MYOM3: variants seen among roughly 807,000 people sequenced by gnomAD.
The protein encoded by MYOM3 is myomesin 3, also known as myomesin-3.
In MYOM3, 155 loss-of-function variants were observed where a neutral mutation model predicts 191.7. The ratio of observed to expected loss-of-function variants is 0.81; its 90% confidence interval spans 0.71 to 0.92. The LOEUF (loss-of-function observed/expected upper bound fraction) is 0.92, where lower values mean the gene tolerates loss of function less well. Ranked by LOEUF, MYOM3 falls within the 40% of genes least tolerant of loss-of-function variation. The pLI, the probability that MYOM3 is intolerant of heterozygous loss-of-function variation, is 0.00. For missense variants in MYOM3, 1,889 were observed against 1,890.6 expected (o/e 1.00, Z 0.02); for synonymous variants, 757 against 762.9 (o/e 0.99, Z 0.13).
chr1:24,089,985 C>T (rs1643796057), intron 13 of MYOM3, 80 bp downstream of exon 13: 1 of 1,430,404 alleles, frequency 7.0e-7, no homozygotes, highest in Middle Eastern at 1.8e-4. Flanking sequence ...ACTGGGACAG[C>T]TTCTGCCTCT....
intron 18 of MYOM3, 137 bp from the exon 19 acceptor site, chr1:24,081,593 C>T (rs1643669510): frequency 1.9e-6 from 2 of 1,041,018 alleles, no homozygotes; most frequent in Non-Finnish European, 2.8e-6. Context: ...GACATGGTCT[C>T]ACTTTGTCAC....
intron 25 of MYOM3, among the ~76,000 whole-genome samples, chr1:24,068,688 C>CT (rs765052410): frequency 4.6e-5 from 7 of 151,950 alleles, no homozygotes; most frequent in Non-Finnish European, 1.0e-4. Context: ...ATTTTCTTTT[C>CT]TTTTTCTTTC....
chr1:24,078,372 C>G (rs1178236177), intron 20 of MYOM3, among the ~76,000 whole-genome samples: 1 of 152,170 alleles, frequency 6.6e-6, no homozygotes, highest in Non-Finnish European at 1.5e-5. Flanking sequence ...CTGCCTCGGC[C>G]TCCTAGAGTG....
intron 28 of MYOM3, chr1:24,066,353 A>C (rs1274493373): frequency 1.6e-6 from 1 of 644,308 alleles, no homozygotes; most frequent in Non-Finnish European, 2.8e-6. Context: ...TGCCTTGAAC[A>C]TGGGCTCCCA....
intron 35 of MYOM3, among the ~76,000 whole-genome samples, chr1:24,059,494 T>A (rs1643342595): frequency 6.6e-6 from 1 of 152,226 alleles, no homozygotes; most frequent in South Asian, 2.1e-4. Context: ...GTAGAAGATA[T>A]GGGACATAGT....
At position 24,097,943 on chromosome 1, in the gene MYOM3, AAGG is replaced by A. The variant is rs1557615377; in HGVS notation, c.722_724del (p.Ser241del). 6.2e-7 allele frequency: 1 copy of A among 1,613,554 alleles called. No individual in the cohort carries two copies. Among genetic ancestry groups the A allele is most frequent in the Admixed American group, 1.7e-5 (1 of 60,004 alleles). ...CTTACTGCGGACGAGGACTTTGGCG[AAGG>A]AGGAGGCCTGGCCGTGGGCGTTCTT... On this transcript the variant is annotated inframe_deletion, in exon 7 of 37. Transcript: ENST00000374434.
rs369958383 is a variant in MYOM3, at chr1:24,107,215, C to A, written c.260G>T (p.Arg87Leu). 3 of 1,600,472 alleles carry A rather than the reference C, an allele frequency of 1.9e-6. No homozygotes were observed. The highest frequency in any genetic ancestry group is 2.6e-6 in the Non-Finnish European group (3 of 1,173,678). ...SELSWEAQLR[R>L]QTSAVELEER... ...CTCCAGCTCCACGGCAGAGGTCTGGCGTCTCAGCTGGGCTTCCCTGCCGTG... is the reference window on the plus strand; with the variant it reads ...CTCCAGCTCCACGGCAGAGGTCTGGAGTCTCAGCTGGGCTTCCCTGCCGTG... Residue 87 changes from arginine (R) to leucine (L), a missense_variant, in exon 4 of 37, where the codon CGC (arginine) becomes CTC (leucine). Coordinates refer to ENST00000374434, the MANE Select transcript of MYOM3 (RefSeq NM_152372.4).
Position 24,102,465 on chromosome 1 carries a change from C to G in MYOM3, c.561-2690G>C, listed in dbSNP as rs570811431. ...TGGAGACCTCAACGCTCACCCCTCC[C>G]TCTCTCTGGGCCTTAGTGTCCGCCT... is the stretch of plus-strand genomic sequence containing the variant. On this transcript the variant is annotated intron_variant, in intron 5 of 36. Coordinates refer to ENST00000374434, the MANE Select transcript of MYOM3 (RefSeq NM_152372.4). 9.2e-5 allele frequency among the ~76,000 whole-genome samples: 14 copies of G among 152,314 alleles called. No individual in the cohort carries two copies. In the South Asian group the frequency reaches 2.9e-3, roughly 32 times the overall value.
intron 3 of MYOM3, among the ~76,000 whole-genome samples, chr1:24,107,598 C>T (rs923994424): frequency 5.9e-5 from 9 of 152,308 alleles, no homozygotes; most frequent in Non-Finnish European, 1.3e-4. Flanking sequence ...GGCCCTGCCC[C>T]AAGCCGAACG....
intron 18 of MYOM3, 27 bp from the exon 19 acceptor site, chr1:24,081,483 A>G (rs1336259751): frequency 1.2e-6 from 2 of 1,608,174 alleles, no homozygotes; most frequent in East Asian, 4.5e-5. Context: ...ACAAACTATG[A>G]GGCTGAGGCT....
intron 20 of MYOM3, 97 bp from the exon 21 acceptor site, chr1:24,076,370 C>T (rs1259296310): frequency 1.2e-6 from 1 of 810,624 alleles, no homozygotes; most frequent in Admixed American, 1.9e-5. Context: ...ATAAGAAAAC[C>T]CTCTCCCTTC....
intron 5 of MYOM3, 146 bp from the exon 6 acceptor site, chr1:24,099,921 G>A: frequency 7.9e-6 from 5 of 632,404 alleles, no homozygotes; most frequent in South Asian, 5.7e-5. Context: ...AGGCTGGAGC[G>A]CAGTAGTACA....
chr1:24,090,026 C>A, intron 13 of MYOM3, 39 bp downstream of exon 13: 1 of 1,599,770 alleles, frequency 6.3e-7, no homozygotes. Context: ...GTTTTGAGAA[C>A]TATACAGGAG....
chr1:24,072,735 A>G (rs1183960636), intron 23 of MYOM3, among the ~76,000 whole-genome samples: 2 of 152,168 alleles, frequency 1.3e-5, no homozygotes, highest in East Asian at 1.9e-4. Flanking sequence ...GGGTTTCACC[A>G]TGTTGGCCAG....
At chr1:24,095,083 T>C (rs572135176) in intron 8 of MYOM3, 93 bp from the exon 9 acceptor site, 2 of 1,351,868 alleles carry the variant, frequency 1.5e-6, no homozygotes, top group East Asian at 4.7e-5. Flanking sequence ...GCATCCCTTC[T>C]CTTCTGGGTC....
intron 25 of MYOM3, 30 bp from the exon 26 acceptor site, chr1:24,068,397 C>G (rs1234599286): frequency 6.2e-7 from 1 of 1,613,390 alleles, no homozygotes; most frequent in African/African-American, 1.3e-5. Context: ...GAGTCCTTTT[C>G]CCTGTTCTGG....
At chr1:24,079,198 T>A (rs569408216) in intron 20 of MYOM3, among the ~76,000 whole-genome samples, 4 of 152,266 alleles carry the variant, frequency 2.6e-5, no homozygotes, top group Admixed American at 6.5e-5. Context: ...TGCACGTAGG[T>A]CCACCTCATT....
chr1:24,108,174 A>C, intron 2 of MYOM3, 101 bp from the exon 3 acceptor site: 1 of 1,150,516 alleles, frequency 8.7e-7, no homozygotes, highest in Non-Finnish European at 1.2e-6. Flanking sequence ...GGGCACCAGC[A>C]GGCAGGGCTG....
rs1050315302 is a variant in MYOM3, at chr1:24,111,825, C to G, written c.-19+206G>C. On this transcript the variant is annotated intron_variant, in intron 1 of 36. Coordinates refer to ENST00000374434, the MANE Select transcript of MYOM3 (RefSeq NM_152372.4). The surrounding 1 kb of genome is among the most constrained non-coding windows in gnomAD (Gnocchi z 4.7). ...GGCCACACAGAACAGTGGGATGGGG[C>G]AGGGGTTTCTGGAATCCCCTCCCAT... 1.3e-5 allele frequency among the ~76,000 whole-genome samples: 2 copies of G among 152,008 alleles called. No homozygotes were observed. Among genetic ancestry groups the G allele is most frequent in the South Asian group, 2.1e-4 (1 of 4,806 alleles).
Sources: allele counts gnomAD v4.1 joint callset (sites outside exome capture counted in the v4.1 genomes callset), GRCh38; gene constraint gnomAD v4.1.1; non-coding constraint Gnocchi (gnomAD v3.1); transcripts MANE v1.5; gene names NCBI Gene and HGNC (gene_info 2026-07-23, HGNC 2026-07-21).